Variants in GPRC5A observed in about 807,000 individuals in gnomAD.
The protein encoded by GPRC5A is G protein-coupled receptor class C group 5 member A.
A neutral mutation model predicts 22.5 loss-of-function variants in GPRC5A; 19 were observed. The ratio of observed to expected loss-of-function variants is 0.85; its 90% CI spans 0.59 to 1.24. The LOEUF (loss-of-function observed/expected upper bound fraction) is 1.24. Among genes scored for constraint, GPRC5A ranks in the 50% most tolerant of loss-of-function variants. The pLI, the probability that GPRC5A is intolerant of heterozygous loss-of-function variation, is 0.00. For missense variants in GPRC5A, 471 were observed against 451.1 expected, an observed-to-expected ratio of 1.04 and a Z score of -0.40; for synonymous variants, 192 against 184.5, an observed-to-expected ratio of 1.04 and a Z score of -0.33.
At position 12,899,015 on chromosome 12, in the gene GPRC5A, A is replaced by G. The variant is rs529916145; in HGVS notation, c.-8+7351A>G. 5.3e-5 allele frequency among the ~76,000 whole-genome samples: 8 copies of G among 152,078 alleles called. No individual in the cohort carries two copies. In the South Asian group the frequency reaches 1.0e-3, roughly 20 times the overall value. ...ATTCATTCCAAGGGCAGTGGCCACA[A>G]TTTTATATTTATTTATTTAGTTTTT... is the stretch of plus-strand genomic sequence containing the variant. On this transcript the variant is annotated intron_variant, in intron 1 of 3. Coordinates refer to ENST00000014914, the MANE Select transcript of GPRC5A (RefSeq NM_003979.4).
rs1051659279 is a variant in GPRC5A, at chr12:12,916,967, C to T, written c.*4428C>T. On this transcript the variant is annotated 3_prime_UTR_variant, in exon 4 of 4. Transcript: ENST00000014914. ...CTGCCAGGGTCTGCAGGTTTGCCACCGTCCCGGCCCCAGTCTGAAACATGG... is the reference window on the plus strand; with the variant it reads ...CTGCCAGGGTCTGCAGGTTTGCCACTGTCCCGGCCCCAGTCTGAAACATGG... The T allele has an allele frequency of 6.6e-6, 1 of 152,186 alleles. No individual in the cohort carries two copies. The highest frequency in any genetic ancestry group is 1.5e-5 in the Non-Finnish European group (1 of 68,092). The allele number at this position is 152,186 out of a possible 1,614,324, so 9.4% of individuals were successfully genotyped here. A position where few individuals can be genotyped will look rare whatever the true frequency, so the allele number is the denominator to read the frequency against.
chr12:12,905,462 G>GA (rs1042482874), intron 1 of GPRC5A, among the ~76,000 whole-genome samples: 4 of 151,718 alleles, frequency 2.6e-5, no homozygotes, highest in African/African-American at 7.3e-5. Context: ...AAAAACTCAA[G>GA]AAAAAAAATC....
intron 2 of GPRC5A, among the ~76,000 whole-genome samples, chr12:12,911,858 G>A (rs1447379049): frequency 6.6e-6 from 1 of 152,164 alleles, no homozygotes; most frequent in African/African-American, 2.4e-5. Flanking sequence ...TCTGAAAAGG[G>A]GCGTCCCTAG....
chr12:12,903,394 T>C (rs901628048), intron 1 of GPRC5A, among the ~76,000 whole-genome samples: 3 of 152,120 alleles, frequency 2.0e-5, no homozygotes, highest in African/African-American at 7.2e-5. Flanking sequence ...AATTCTCCTA[T>C]CTAAGTCTCT....
rs1273160382 is a variant in GPRC5A, at chr12:12,916,806, G to A, written c.*4267G>A. The stretch of plus-strand genomic sequence containing the variant: ...AAAAGTGTGCCAAAACAAAGAGTAC[G>A]GCCGGCCCTGGAAATGCATCAGCAA... On this transcript the variant is annotated 3_prime_UTR_variant, in exon 4 of 4. Transcript: ENST00000014914. The A allele has an allele frequency of 6.6e-6, 1 of 152,122 alleles. No homozygotes were observed. The allele number at this position is 152,122 out of a possible 1,614,324, so 9.4% of individuals were successfully genotyped here. A position where few individuals can be genotyped will look rare whatever the true frequency, so the allele number is the denominator to read the frequency against.
chr12:12,915,817 C>A lies in GPRC5A; in HGVS notation c.*3278C>A. ...AGGCATGAGCCACCGCGCCCGGCCC[C>A]GTTGTTTCCCTTCTAAGAAACGCAG... is the stretch of plus-strand genomic sequence containing the variant. On this transcript the variant is annotated 3_prime_UTR_variant, in exon 4 of 4. Coordinates refer to ENST00000014914, the MANE Select transcript of GPRC5A (RefSeq NM_003979.4). The A allele has an allele frequency of 1.9e-6, 1 of 514,842 alleles. No individual in the cohort carries two copies. The allele number at this position is 514,842 out of a possible 1,614,324, so 31.9% of individuals were successfully genotyped here. A position where few individuals can be genotyped will look rare whatever the true frequency, so the allele number is the denominator to read the frequency against.
intron 2 of GPRC5A, among the ~76,000 whole-genome samples, chr12:12,910,711 A>T (rs2136462320): frequency 6.6e-6 from 1 of 152,160 alleles, no homozygotes; most frequent in East Asian, 1.9e-4. Context: ...TTCCCCTGGT[A>T]ATCACTCCAC....
chr12:12,906,790 C>T (rs1863945907), intron 1 of GPRC5A, among the ~76,000 whole-genome samples: 1 of 151,284 alleles, frequency 6.6e-6, no homozygotes, highest in African/African-American at 2.4e-5. Flanking sequence ...CACGGTGGCT[C>T]ACACCTGTAA....
At chr12:12,912,424 C>T (rs778512551) in intron 3 of GPRC5A, 23 bp from the exon 4 acceptor site, 14 of 1,495,024 alleles carry the variant, frequency 9.4e-6, no homozygotes, top group African/African-American at 4.1e-5. Context: ...GTGGGTTTCA[C>T]GATATGACTG....
chr12:12,901,301 C>A (rs547459969), intron 1 of GPRC5A, among the ~76,000 whole-genome samples: 1 of 152,118 alleles, frequency 6.6e-6, no homozygotes, highest in Non-Finnish European at 1.5e-5. Flanking sequence ...GAGCCACCTG[C>A]GGCCACTAAG....
At position 12,908,226 on chromosome 12, in the gene GPRC5A, A is replaced by G. The variant is rs762598870; in HGVS notation, c.-7-17A>G. The G allele has an allele frequency of 1.3e-6, 2 of 1,505,776 alleles. No homozygotes were observed. The highest frequency in any genetic ancestry group is 1.8e-6 in the Non-Finnish European group (2 of 1,112,146). 93.3% of individuals were successfully genotyped at this position (1,505,776 alleles called of 1,614,324 possible). A position where few individuals can be genotyped will look rare whatever the true frequency, so the allele number is the denominator to read the frequency against. On this transcript the variant is annotated splice_polypyrimidine_tract_variant and intron_variant, in intron 1 of 3. Coordinates refer to ENST00000014914, the MANE Select transcript of GPRC5A (RefSeq NM_003979.4). ...GATTCAATACCTTCTCCCCACTCCA[A>G]CATTCCTTTTCTGCAGGTCCAGAAT...
chr12:12,905,574 A>G (rs1024794318), intron 1 of GPRC5A, among the ~76,000 whole-genome samples: 9 of 152,260 alleles, frequency 5.9e-5, no homozygotes, highest in African/African-American at 1.9e-4. Context: ...ACTGGACTAT[A>G]GTTATGTCTA....
At chr12:12,905,583 T>C (rs1330236813) in intron 1 of GPRC5A, among the ~76,000 whole-genome samples, 2 of 152,244 alleles carry the variant, frequency 1.3e-5, no homozygotes, top group Admixed American at 1.3e-4. Flanking sequence ...TAGTTATGTC[T>C]AGCCTTGTTG....
rs886232484 is a variant in GPRC5A at position 12,909,014 on chromosome 12, G to A, written c.765G>A (p.Val255=). The change falls in exon 2 of 4, where the codon GTG becomes GTA. Residue 255 remains valine, a synonymous_variant. Coordinates refer to ENST00000014914, the MANE Select transcript of GPRC5A (RefSeq NM_003979.4). The part of the protein sequence containing the change: ...LSSALAANGW[V]FLLAYVSPEF... ...CCGCCTTGGCTGCCAATGGCTGGGT[G>A]TTCCTGTTGGCTTATGTTAGTCCCG... The A allele has an allele frequency of 1.2e-6, 2 of 1,613,798 alleles. No homozygotes were observed. The highest frequency in any genetic ancestry group is 1.7e-6 in the Non-Finnish European group (2 of 1,180,034).
intron 1 of GPRC5A, among the ~76,000 whole-genome samples, chr12:12,907,400 C>CAAAAGAAAA (rs1863953642): frequency 1.1e-5 from 1 of 90,138 alleles, no homozygotes; most frequent in Non-Finnish European, 2.1e-5. Flanking sequence ...GACTCTGTCT[C>CAAAAGAAAA]AAAAAAAAAA....
intron 2 of GPRC5A, among the ~76,000 whole-genome samples, chr12:12,911,231 TG>T (rs930397933): frequency 6.6e-6 from 1 of 152,128 alleles, no homozygotes; most frequent in Non-Finnish European, 1.5e-5. Context: ...ATAAATTTGG[TG>T]GGAAATAAAT....
At position 12,893,708 on chromosome 12, in the gene GPRC5A, A is replaced by G. The variant is rs768203948; in HGVS notation, c.-8+2044A>G. ...ATGGTCCATGGACCAAATATGGCCT[A>G]TAGCCTCTTTCTGTAAATAAAGTGA... On this transcript the variant is annotated intron_variant, in intron 1 of 3. Transcript: ENST00000014914. 7.4e-4 allele frequency among the ~76,000 whole-genome samples: 112 copies of G among 152,310 alleles called. 1 individual carries two copies. Among genetic ancestry groups the G allele is most frequent in the Admixed American group, 2.3e-3 (35 of 15,290 alleles).
At chr12:12,911,452 A>T (rs1864002816) in intron 2 of GPRC5A, among the ~76,000 whole-genome samples, 1 of 151,578 alleles carries the variant, frequency 6.6e-6, no homozygotes, top group African/African-American at 2.4e-5. Flanking sequence ...CCCTGGCCAG[A>T]TCTATATCTG....
intron 1 of GPRC5A, among the ~76,000 whole-genome samples, chr12:12,900,668 C>T (rs1466471502): frequency 2.6e-5 from 4 of 151,952 alleles, no homozygotes; most frequent in East Asian, 1.9e-4. Flanking sequence ...GAGGCCGAGG[C>T]GGGCCTGAGG....
Sources: allele counts gnomAD v4.1 joint callset (sites outside exome capture counted in the v4.1 genomes callset), GRCh38; gene constraint gnomAD v4.1.1; transcripts MANE v1.5; gene names NCBI Gene and HGNC (gene_info 2026-07-23, HGNC 2026-07-21).